COL15A1: variants seen among roughly 807,000 people sequenced by gnomAD.
The protein encoded by COL15A1 is collagen alpha-1(XV) chain.
COL15A1 carries 111 observed loss-of-function variants against 165.9 expected under a neutral mutation model. The observed-to-expected ratio is 0.67, with a 90% CI of 0.57 to 0.78. COL15A1 has a LOEUF of 0.78. Among genes scored for constraint, COL15A1 ranks in the 30% least tolerant of loss-of-function variants. The pLI is 0.00. For synonymous variants in COL15A1, 659 were observed against 674.8 expected, an observed-to-expected ratio of 0.98 and a Z score of 0.36; for missense variants, 1,745 against 1,789.7, an observed-to-expected ratio of 0.98 and a Z score of 0.45.
At chr9:98,970,261 C>A (rs1234559366) in intron 2 of COL15A1, among the ~76,000 whole-genome samples, 10 of 152,328 alleles carry the variant, frequency 6.6e-5, no homozygotes, top group African/African-American at 2.2e-4. Context: ...TTCACAGCAG[C>A]TGTCTGAATT....
chr9:99,064,339 C>T (rs1410781850), intron 39 of COL15A1, among the ~76,000 whole-genome samples: 5 of 152,134 alleles, frequency 3.3e-5, no homozygotes, highest in African/African-American at 4.8e-5. Context: ...TAAGGCCACT[C>T]CTTATGGCAG....
In COL15A1 at chr9:98,998,911, CTA is replaced by C. The variant is rs1564041278; in HGVS notation, c.952+1831_952+1832del. 2.0e-5 allele frequency among the ~76,000 whole-genome samples: 3 copies of C among 152,354 alleles called. No individual in the cohort carries two copies. The South Asian group carries it at 6.2e-4, about 32-fold the overall frequency. On this transcript the variant is annotated intron_variant, in intron 6 of 41. Coordinates refer to ENST00000375001, the MANE Select transcript of COL15A1 (RefSeq NM_001855.5). ...CCCGGATGGTGGGAGAAAGCCCTGG[CTA>C]AGCAAAGCCCCTAATATTTGCATTC...
At chr9:99,028,298 C>T (rs1406155536) in intron 16 of COL15A1, among the ~76,000 whole-genome samples, 1 of 152,078 alleles carries the variant, frequency 6.6e-6, no homozygotes, top group Non-Finnish European at 1.5e-5. Flanking sequence ...ACATGATGCT[C>T]ATTAAGAATT....
Position 99,024,251 on chromosome 9 carries a change from A to G in COL15A1, c.1855-623A>G, listed in dbSNP as rs564861737. On this transcript the variant is annotated intron_variant, in intron 14 of 41. Transcript: ENST00000375001. ...CACTTCAGAAAGAGTTTTAAAAACA[A>G]GGCTACACCACAAGCAGTTTTTTTT... is the stretch of plus-strand genomic sequence containing the variant. 1.3e-4 allele frequency among the ~76,000 whole-genome samples: 20 copies of G among 148,606 alleles called. No individual in the cohort carries two copies. In the South Asian group the frequency reaches 4.3e-3, roughly 32 times the overall value.
At position 99,044,553 on chromosome 9, in the gene COL15A1, T is replaced by C. The variant is rs370772501; in HGVS notation, c.2575-15T>C. The C allele has an allele frequency of 1.9e-6, 3 of 1,613,532 alleles. No homozygotes were observed. The highest frequency in any genetic ancestry group is 2.7e-5 in the African/African-American group (2 of 74,878). On this transcript the variant is annotated splice_polypyrimidine_tract_variant and intron_variant, in intron 24 of 41. Coordinates refer to ENST00000375001, the MANE Select transcript of COL15A1 (RefSeq NM_001855.5). ...GAGGAGTCCTGACTTCATTGAGATG[T>C]TCTCTGAATTGCAGGGCGAGAAGGG...
Position 99,044,771 on chromosome 9 carries a change from G to A in COL15A1, c.2679+1G>A. Reference sequence around the variant, plus strand: ...AATGCATGGAGCCCCAGGACCAATGGTAAGTCAGAGCGTCTCTCAGCTGGA... The same window carrying A: ...AATGCATGGAGCCCCAGGACCAATGATAAGTCAGAGCGTCTCTCAGCTGGA... On this transcript the variant is annotated splice_donor_variant, in intron 26 of 41. Coordinates refer to ENST00000375001, the MANE Select transcript of COL15A1 (RefSeq NM_001855.5). LOFTEE classifies it high-confidence loss of function. The A allele has an allele frequency of 6.2e-7, 1 of 1,613,076 alleles. No homozygotes were observed. Among genetic ancestry groups the A allele is most frequent in the Non-Finnish European group, 8.5e-7 (1 of 1,179,070 alleles).
rs1350907177 is a variant in COL15A1, at chr9:99,023,375, G to C, written c.1780G>C (p.Gly594Arg). 3 of 1,609,850 alleles carry C rather than the reference G, an allele frequency of 1.9e-6. No individual in the cohort carries two copies. In the East Asian group the frequency reaches 6.7e-5, roughly 36 times the overall value. ...VGPTAGAEAE[G>R]SGLGWGSDVG... Reference sequence around the variant, plus strand: ...TTTCCAGGCAGGAGCAGAAGCAGAGGGCTCTGGCCTAGGCTGGGGCTCGGA... The same window carrying C: ...TTTCCAGGCAGGAGCAGAAGCAGAGCGCTCTGGCCTAGGCTGGGGCTCGGA... The change falls in exon 14 of 42, where the codon GGC becomes CGC. Residue 594 changes from glycine (G) to arginine (R), a missense_variant. Transcript: ENST00000375001.
At chr9:99,014,572 G>A (rs544424805) in intron 9 of COL15A1, among the ~76,000 whole-genome samples, 3 of 152,278 alleles carry the variant, frequency 2.0e-5, no homozygotes, top group South Asian at 2.1e-4. Flanking sequence ...TTTGTCAAAG[G>A]TCAGTGGCAC....
chr9:99,057,245 T>G (rs1374395785), intron 35 of COL15A1, among the ~76,000 whole-genome samples: 1 of 152,212 alleles, frequency 6.6e-6, no homozygotes, highest in African/African-American at 2.4e-5. Flanking sequence ...ATAGCCATCC[T>G]ACTTGGTATG....
intron 11 of COL15A1, among the ~76,000 whole-genome samples, chr9:99,017,507 A>T (rs1483452557): frequency 6.6e-6 from 1 of 152,188 alleles, no homozygotes; most frequent in Non-Finnish European, 1.5e-5. Context: ...AAAGGAAAAA[A>T]GGTGAAGAAC....
rs56314221 is a variant in COL15A1, at chr9:99,069,981, G to GTTTT, written c.*104_*107dup. The GTTTT allele has an allele frequency of 2.9e-4, 228 of 788,642 alleles. No individual in the cohort carries two copies. Among genetic ancestry groups the GTTTT allele is most frequent in the Middle Eastern group, 7.7e-4 (2 of 2,602 alleles). The allele number at this position is 788,642 out of a possible 1,614,324, so 48.9% of individuals were successfully genotyped here. A position where few individuals can be genotyped will look rare whatever the true frequency, so the allele number is the denominator to read the frequency against. Reference sequence around the variant, plus strand: ...ATGTTTAATTGTTGTAAATATTACAGTTTTTTTTTTTTACTACATATTCTT... The same window carrying GTTTT: ...ATGTTTAATTGTTGTAAATATTACAGTTTTTTTTTTTTTTTTACTACATATTCTT... On this transcript the variant is annotated 3_prime_UTR_variant, in exon 42 of 42. Transcript: ENST00000375001.
At chr9:99,044,540 C>A (rs768837331) in intron 24 of COL15A1, 28 bp from the exon 25 acceptor site, 1 of 1,611,370 alleles carries the variant, frequency 6.2e-7, no homozygotes, top group Non-Finnish European at 8.5e-7. Context: ...GGAGTCCTGA[C>A]TTCATTGAGA....
intron 9 of COL15A1, 45 bp downstream of exon 9, chr9:99,005,095 A>G (rs1838735019): frequency 1.3e-6 from 2 of 1,530,582 alleles, no homozygotes; most frequent in Non-Finnish European, 1.8e-6. Context: ...TGGTGGGAGC[A>G]GCTCCTGACC....
rs1156464062 is a variant in COL15A1, at chr9:99,012,703, C to CTTT, written c.1354-2690_1354-2688dup. Among the ~76,000 whole-genome samples the CTTT allele has an allele frequency of 4.1e-4, 41 of 99,784 alleles. 5 individuals are homozygous for CTTT. The highest frequency in any genetic ancestry group is 1.4e-3 in the African/African-American group (34 of 23,564). 65.5% of individuals were successfully genotyped at this position (99,784 alleles called of 152,430 possible). On this transcript the variant is annotated intron_variant, in intron 9 of 41. Coordinates refer to ENST00000375001, the MANE Select transcript of COL15A1 (RefSeq NM_001855.5). ...ATTCTTAGATTATTTGTTTCCCACC[C>CTTT]TTTTTTTTTTTTTTTTTTTTTTTTT...
intron 2 of COL15A1, among the ~76,000 whole-genome samples, chr9:98,973,996 G>A (rs1838102080): frequency 6.6e-6 from 1 of 152,222 alleles, no homozygotes; most frequent in Non-Finnish European, 1.5e-5. Flanking sequence ...CCAAGTTGGT[G>A]GCAGAGTCCA....
chr9:98,985,415 GT>G lies in COL15A1; in HGVS notation c.101-149del, dbSNP rs1344467359. On this transcript the variant is annotated intron_variant, in intron 2 of 41. Coordinates refer to ENST00000375001, the MANE Select transcript of COL15A1 (RefSeq NM_001855.5). Reference sequence around the variant, plus strand: ...AATGCATTTCTTTTTGTGGGTCGTTGTCAAAACGTTTGAAAAACAACCATTT... The same window carrying G: ...AATGCATTTCTTTTTGTGGGTCGTTGCAAAACGTTTGAAAAACAACCATTT... 6.3e-5 allele frequency: 48 copies of G among 763,508 alleles called. No individual in the cohort carries two copies. The African/African-American group carries it at 8.2e-4, about 13-fold the overall frequency. 47.3% of individuals were successfully genotyped at this position (763,508 alleles called of 1,614,324 possible).
chr9:98,973,879 T>C (rs1418172176), intron 2 of COL15A1, among the ~76,000 whole-genome samples: 1 of 152,218 alleles, frequency 6.6e-6, no homozygotes. Flanking sequence ...ACGATGAGGC[T>C]GTCAGACCTG....
chr9:98,946,788 C>G (rs1837591168), intron 2 of COL15A1, among the ~76,000 whole-genome samples: 2 of 152,354 alleles, frequency 1.3e-5, no homozygotes, highest in East Asian at 1.9e-4. Flanking sequence ...TCCCCTTTTA[C>G]AGATGAGGAA....
intron 5 of COL15A1, among the ~76,000 whole-genome samples, chr9:98,992,289 G>A (rs1838453417): frequency 6.6e-6 from 1 of 152,262 alleles, no homozygotes; most frequent in Non-Finnish European, 1.5e-5. Context: ...TTCGAGAGCA[G>A]TGCGGGCCGG....
Sources: gnomAD v4.1 joint callset for allele counts (sites outside exome capture counted in the v4.1 genomes callset) on GRCh38, gnomAD v4.1.1 for gene constraint, MANE v1.5 for transcripts, NCBI Gene and HGNC (gene_info 2026-07-23, HGNC 2026-07-21) for gene names.